RNF125: variants seen among roughly 807,000 people sequenced by gnomAD.
RNF125 encodes ring finger protein 125.
In RNF125, 21 loss-of-function variants were observed where a neutral mutation model predicts 26.0. That is an observed-to-expected ratio of 0.81 (90% confidence interval 0.57 to 1.16). The LOEUF is 1.16. Among genes scored for constraint, RNF125 ranks in the 50% most tolerant of loss-of-function variants. The pLI, the probability that RNF125 is intolerant of heterozygous loss-of-function variation, is 0.00. For synonymous variants in RNF125, 95 were observed against 109.2 expected (o/e 0.87, Z 0.81); for missense variants, 270 against 299.4 (o/e 0.90, Z 0.72).
chr18:32,078,377 C>T, the RNF125 span, among the ~76,000 whole-genome samples: 4 of 151,788 alleles, frequency 2.6e-5, no homozygotes, highest in African/African-American at 7.2e-5. Flanking sequence ...AGTCTAATAA[C>T]GGTTAAATAG....
chr18:32,056,255 TA>T (rs2039381753), intron 4 of RNF125, among the ~76,000 whole-genome samples: 1 of 151,974 alleles, frequency 6.6e-6, no homozygotes, highest in Non-Finnish European at 1.5e-5. Flanking sequence ...TGACTCCTCG[TA>T]AATCTAGACT....
chr18:32,034,224 C>T (rs928930835), intron 1 of RNF125, among the ~76,000 whole-genome samples: 1 of 152,146 alleles, frequency 6.6e-6, no homozygotes, highest in African/African-American at 2.4e-5. Context: ...TTGCAAGGGT[C>T]TCCTTAGACT....
In RNF125 at chr18:32,037,222, A is replaced by C; in HGVS notation, c.271A>C (p.Lys91Gln). ...SEGVPATDVA[K>Q]RMKSEYKNCA... ...AGGAGTTCCAGCAACTGATGTAGCC[A>C]AAAGAATGAAATCAGAGTATAAGAA... The change falls in exon 2 of 6, where the codon AAA becomes CAA. Residue 91 changes from lysine to glutamine, a missense_variant. By Grantham distance (53) the Lys-to-Gln change is moderately conservative. Transcript: ENST00000217740. The C allele has an allele frequency of 7.5e-6, 12 of 1,605,438 alleles. No homozygotes were observed. The highest frequency in any genetic ancestry group is 1.0e-5 in the Non-Finnish European group (12 of 1,176,874).
At chr18:32,049,614 A>G (rs1167319758) in intron 4 of RNF125, among the ~76,000 whole-genome samples, 1 of 150,524 alleles carries the variant, frequency 6.6e-6, no homozygotes, top group African/African-American at 2.4e-5. Flanking sequence ...GGGGAGGAGG[A>G]GGATGGGGAA....
At chr18:32,084,650 A>G in the RNF125 span, among the ~76,000 whole-genome samples, 2 of 152,220 alleles carry the variant, frequency 1.3e-5, no homozygotes, top group Non-Finnish European at 2.9e-5. Context: ...GAGACTGACT[A>G]GAATATCAGA....
chr18:32,022,429 T>C (rs867415840), intron 1 of RNF125, among the ~76,000 whole-genome samples: 19 of 152,100 alleles, frequency 1.2e-4, no homozygotes, highest in South Asian at 4.1e-4. Flanking sequence ...CATTTGAGTC[T>C]ATGAAACAAA....
In RNF125 at chr18:32,068,533, A is replaced by G; in HGVS notation, c.*149A>G. ...CCATGTTTATTGTTATAGTGCATTT[A>G]AAAACTGCTTTAATTTTAATGGTTT... On this transcript the variant is annotated 3_prime_UTR_variant, in exon 6 of 6. Coordinates refer to ENST00000217740, the MANE Select transcript of RNF125 (RefSeq NM_017831.4). The G allele has an allele frequency of 1.9e-6, 1 of 515,704 alleles. No homozygotes were observed. The highest frequency in any genetic ancestry group is 3.5e-6 in the Non-Finnish European group (1 of 286,692). The allele number at this position is 515,704 out of a possible 1,614,324, so 31.9% of individuals were successfully genotyped here. A position where few individuals can be genotyped will look rare whatever the true frequency, so the allele number is the denominator to read the frequency against.
At chr18:32,052,739 G>A (rs1350117771) in intron 4 of RNF125, among the ~76,000 whole-genome samples, 2 of 152,104 alleles carry the variant, frequency 1.3e-5, no homozygotes, top group Non-Finnish European at 2.9e-5. Context: ...TATTCTGAAG[G>A]ATCGAATCCT....
downstream of RNF125, chr18:32,075,979 C>A: frequency 7.5e-7 from 1 of 1,331,608 alleles, no homozygotes; most frequent in Non-Finnish European, 1.1e-6. Flanking sequence ...TACAATGAAA[C>A]CAAACTGGCA....
At chr18:32,090,763 A>G in the RNF125 span, among the ~76,000 whole-genome samples, 2 of 152,260 alleles carry the variant, frequency 1.3e-5, no homozygotes, top group African/African-American at 4.8e-5. Flanking sequence ...GCCAATGTCA[A>G]CATAGACAAT....
intron 1 of RNF125, among the ~76,000 whole-genome samples, chr18:32,022,421 T>C (rs2038994523): frequency 6.6e-6 from 1 of 152,180 alleles, no homozygotes; most frequent in African/African-American, 2.4e-5. Context: ...GTTTTGATCA[T>C]TTGAGTCTAT....
intron 5 of RNF125, among the ~76,000 whole-genome samples, chr18:32,066,292 A>G (rs1277227310): frequency 2.0e-5 from 3 of 151,872 alleles, no homozygotes; most frequent in Non-Finnish European, 4.4e-5. Context: ...TCTATTAAAA[A>G]TACTAAAAAT....
intron 3 of RNF125, among the ~76,000 whole-genome samples, chr18:32,043,728 G>T (rs1485858171): frequency 1.3e-5 from 2 of 151,974 alleles, no homozygotes; most frequent in Non-Finnish European, 2.9e-5. Flanking sequence ...AAATAGTAAA[G>T]AATTAAAATA....
At chr18:32,020,415 C>T (rs1008048994) in intron 1 of RNF125, among the ~76,000 whole-genome samples, 24 of 151,942 alleles carry the variant, frequency 1.6e-4, no homozygotes, top group African/African-American at 5.3e-4. Flanking sequence ...AGATCAGGAG[C>T]GGAAGCCTAC....
chr18:32,075,693 CAAA>C (rs759960735), downstream of RNF125, among the ~76,000 whole-genome samples: 1 of 92,152 alleles, frequency 1.1e-5, no homozygotes, highest in South Asian at 4.6e-4. Flanking sequence ...AACTCCATCT[CAAA>C]AAAAAAAAAA....
intron 1 of RNF125, among the ~76,000 whole-genome samples, chr18:32,034,619 T>TA (rs2039133803): frequency 6.6e-6 from 1 of 152,012 alleles, no homozygotes; most frequent in East Asian, 1.9e-4. Context: ...AAATTAGACA[T>TA]AAAAAATTAC....
intron 2 of RNF125, among the ~76,000 whole-genome samples, chr18:32,040,272 T>TTC (rs1555692484): frequency 1.5e-5 from 2 of 135,432 alleles, no homozygotes; most frequent in African/African-American, 6.2e-5. Flanking sequence ...TTTCTTTCTT[T>TTC]TTTTTTTTTT....
At chr18:32,025,876 A>G (rs973841927) in intron 1 of RNF125, among the ~76,000 whole-genome samples, 2 of 151,736 alleles carry the variant, frequency 1.3e-5, no homozygotes, top group African/African-American at 4.8e-5. Flanking sequence ...GTCTTAGAGG[A>G]GCCAATTTGG....
At chr18:32,090,059 A>C in the RNF125 span, among the ~76,000 whole-genome samples, 2 of 152,238 alleles carry the variant, frequency 1.3e-5, no homozygotes, top group Non-Finnish European at 1.5e-5. Context: ...TAGCCTGGCC[A>C]ACATGGCAAA....
Sources: gnomAD v4.1 joint callset for allele counts (sites outside exome capture counted in the v4.1 genomes callset) on GRCh38, gnomAD v4.1.1 for gene constraint, MANE v1.5 for transcripts, NCBI Gene and HGNC (gene_info 2026-07-23, HGNC 2026-07-21) for gene names.